The following SNX12 variants were observed in gnomAD, a reference collection of about 807,000 sequenced individuals.
SNX12 encodes sorting nexin 12, also known as sorting nexin-12.
For missense variants in SNX12, 62 were observed against 141.3 expected, an observed-to-expected ratio of 0.44 and a Z score of 2.84; for synonymous variants, 47 against 56.0, an observed-to-expected ratio of 0.84 and a Z score of 0.71.
At chrX:71,065,626 G>A (rs1255509969) in intron 1 of SNX12, among the ~76,000 whole-genome samples, 2 of 109,806 alleles carry the variant, frequency 1.8e-5, no homozygotes, top group Admixed American at 9.7e-5. Context: ...CCAACATGGC[G>A]AAACCTGTCT....
upstream of SNX12, among the ~76,000 whole-genome samples, chrX:71,069,167 C>A (rs1315325464): frequency 1.8e-5 from 2 of 111,854 alleles, no homozygotes; most frequent in Non-Finnish European, 3.8e-5. Context: ...ATTTATATGA[C>A]TAATTTACAT....
At chrX:71,062,114 C>G in intron 2 of SNX12, 147 bp from the exon 3 acceptor site, 4 of 461,623 alleles carry the variant, frequency 8.7e-6, no homozygotes, top group Non-Finnish European at 1.0e-5. Context: ...ACCATAAGAA[C>G]AGTCAGGATG....
chrX:71,063,091 G>C, intron 1 of SNX12, 142 bp from the exon 2 acceptor site: 1 of 447,940 alleles, frequency 2.2e-6, no homozygotes, highest in Non-Finnish European at 4.0e-6. Context: ...TCACCACCAG[G>C]TAAAAACCAA....
upstream of SNX12, among the ~76,000 whole-genome samples, chrX:71,068,715 T>C (rs184306333): frequency 7.1e-5 from 8 of 112,807 alleles, 1 homozygote; most frequent in Admixed American, 7.4e-4. Flanking sequence ...CCTACAGTGA[T>C]AGGCCGAAGC....
chrX:71,071,613 AAT>A (rs2092173493), upstream of SNX12, among the ~76,000 whole-genome samples: 1 of 53,842 alleles, frequency 1.9e-5, no homozygotes, highest in African/African-American at 8.2e-5. Flanking sequence ...ATTATATATA[AAT>A]ATATAATATT....
chrX:71,073,377 A>G (rs1046649065), upstream of SNX12: 1 of 112,004 alleles, frequency 8.9e-6, no homozygotes, highest in Non-Finnish European at 1.9e-5. Context: ...ACTGAAAAGA[A>G]CTTCTTTCGA....
upstream of SNX12, among the ~76,000 whole-genome samples, chrX:71,070,157 A>G: frequency 8.9e-6 from 1 of 111,912 alleles, no homozygotes. Context: ...CTCTGACTTC[A>G]TGATAGGTGA....
Position 71,061,112 on chromosome X carries a change from A to G in SNX12, c.393T>C (p.Ala131=), listed in dbSNP as rs1277936713. 1.7e-6 allele frequency: 2 copies of G among 1,198,004 alleles called. No homozygotes were observed. Among genetic ancestry groups the G allele is most frequent in the African/African-American group, 1.7e-5 (1 of 57,542 alleles). ...QGLEQFINKI[A]GHPLAQNERC... ...GTTCATTCTGAGCCAGTGGGTGCCC[A>G]GCAATTCTATAAAGAAACCAGGATG... Residue 131 remains alanine (A), a synonymous_variant, in exon 4 of 4, where the codon GCT becomes GCC. Transcript: ENST00000374274.
chrX:71,063,804 T>C (rs2092141538), intron 1 of SNX12, among the ~76,000 whole-genome samples: 1 of 109,918 alleles, frequency 9.1e-6, no homozygotes, highest in Non-Finnish European at 1.9e-5. Flanking sequence ...TCCCAGCTAC[T>C]CAGGAGGATC....
chrX:71,061,718 G>T, intron 3 of SNX12, 125 bp downstream of exon 3: 2 of 628,122 alleles, frequency 3.2e-6, no homozygotes, highest in Non-Finnish European at 4.8e-6. Flanking sequence ...AGGTGACAGA[G>T]TGAGACTCTG....
At chrX:71,069,944 AAG>A (rs201506106), upstream of SNX12, among the ~76,000 whole-genome samples, 4,330 of 87,834 alleles carry the variant, frequency 0.049, 186 homozygotes, top group African/African-American at 0.14. Flanking sequence ...CCATCAAAAA[AAG>A]AAAGAAAGAA....
rs932162572 is a variant in SNX12, at chrX:71,060,112, T to C, written c.*904A>G. 1.8e-5 allele frequency: 2 copies of C among 111,659 alleles called. No homozygotes were observed. Among genetic ancestry groups the C allele is most frequent in the African/African-American group, 6.5e-5 (2 of 30,637 alleles). 9.2% of individuals were successfully genotyped at this position (111,659 alleles called of 1,213,427 possible). ...GGAAGGAAGACAGTGTTGATGCCCT[T>C]CCCTACCGCGGGTAAGAGCCTAGAA... On this transcript the variant is annotated 3_prime_UTR_variant, in exon 4 of 4. Coordinates refer to ENST00000374274, the MANE Select transcript of SNX12 (RefSeq NM_013346.4).
intron 3 of SNX12, among the ~76,000 whole-genome samples, chrX:71,061,615 C>T (rs2092131585): frequency 9.0e-6 from 1 of 111,581 alleles, no homozygotes; most frequent in South Asian, 3.7e-4. Flanking sequence ...CGCCTGTAAT[C>T]CCTGTTACTC....
intron 1 of SNX12, among the ~76,000 whole-genome samples, chrX:71,066,040 T>C (rs914810472): frequency 2.4e-4 from 27 of 111,461 alleles, no homozygotes; most frequent in African/African-American, 8.1e-4. Flanking sequence ...AAATTTTGCA[T>C]GCTAAAGTTT....
intron 1 of SNX12, among the ~76,000 whole-genome samples, chrX:71,064,509 G>C (rs2092144507): frequency 8.9e-6 from 1 of 112,516 alleles, no homozygotes; most frequent in Admixed American, 9.4e-5. Flanking sequence ...TTGATTAATA[G>C]AGACTCTATG....
chrX:71,063,079 A>G, intron 1 of SNX12, 130 bp from the exon 2 acceptor site: 1 of 463,463 alleles, frequency 2.2e-6, no homozygotes, highest in Non-Finnish European at 3.8e-6. Flanking sequence ...AACCCCTTCA[A>G]ATCACCACCA....
At chrX:71,071,574 A>ATATATATAAATATATAATATTTATATAT (rs1569477467), upstream of SNX12, among the ~76,000 whole-genome samples, 7 of 30,589 alleles carry the variant, frequency 2.3e-4, 1 homozygote, top group African/African-American at 1.2e-3. Context: ...TTTATATATT[A>ATATATATAAATATATAATATTTATATAT]TATATATAAA....
rs753801551 is a variant in SNX12, at chrX:71,064,969, T to C, written c.166-2020A>G. ...CATCAAAAGCCAAATAACTGGCCAATTGTACATTAAACTCCATCCAGGATC... is the reference window on the plus strand; with the variant it reads ...CATCAAAAGCCAAATAACTGGCCAACTGTACATTAAACTCCATCCAGGATC... On this transcript the variant is annotated intron_variant, in intron 1 of 3. Transcript: ENST00000374274. 1.3e-4 allele frequency among the ~76,000 whole-genome samples: 15 copies of C among 112,787 alleles called. No homozygotes were observed. The East Asian group carries it at 3.6e-3, about 27-fold the overall frequency.
upstream of SNX12, chrX:71,068,470 G>GC: frequency 8.5e-6 from 3 of 351,164 alleles, no homozygotes; most frequent in Non-Finnish European, 9.5e-6. Context: ...ACGGGCCTGG[G>GC]CCCCGGGCTC....
Sources: gnomAD v4.1 joint callset for allele counts (sites outside exome capture counted in the v4.1 genomes callset) on GRCh38, gnomAD v4.1.1 for gene constraint, MANE v1.5 for transcripts, NCBI Gene and HGNC (gene_info 2026-07-23, HGNC 2026-07-21) for gene names.